The following TMEM135 variants were observed in gnomAD, a reference collection of about 807,000 sequenced individuals.
TMEM135 encodes the protein transmembrane protein 135.
Under a neutral mutation model 60.3 loss-of-function variants are expected in TMEM135, and 30 were observed. That is an observed-to-expected ratio of 0.50 (90% confidence interval 0.37 to 0.68). TMEM135 has a LOEUF of 0.68. TMEM135 is among the 30% of genes least tolerant of loss of function. The probability of loss-of-function intolerance (pLI) is 0.00; values close to 1 mark genes in which losing one functional copy is unlikely to be tolerated. For synonymous variants in TMEM135, 190 were observed against 186.7 expected (o/e 1.02, Z -0.14); for missense variants, 468 against 548.8 (o/e 0.85, Z 1.47).
chr11:87,128,384 CT>C (rs993168731), intron 4 of TMEM135, among the ~76,000 whole-genome samples: 17 of 151,908 alleles, frequency 1.1e-4, no homozygotes, highest in Non-Finnish European at 2.1e-4. Context: ...TCTGCGTGTT[CT>C]TTTTTTTCTT....
intron 4 of TMEM135, among the ~76,000 whole-genome samples, chr11:87,111,247 T>A (rs938088039): frequency 2.2e-4 from 34 of 152,306 alleles, no homozygotes; most frequent in African/African-American, 6.3e-4. Context: ...GGGATTTTTT[T>A]GTTTCACATC....
chr11:87,195,357 CCT>C (rs1939916743), intron 5 of TMEM135, among the ~76,000 whole-genome samples: 6 of 124,074 alleles, frequency 4.8e-5, no homozygotes, highest in African/African-American at 1.8e-4. Flanking sequence ...TTCCTTCCTT[CCT>C]TCCTTCCTTC....
intron 10 of TMEM135, among the ~76,000 whole-genome samples, chr11:87,310,449 T>A (rs1016536936): frequency 1.1e-4 from 17 of 151,876 alleles, no homozygotes; most frequent in African/African-American, 3.9e-4. Context: ...GACATAAAGA[T>A]GACAACAGAA....
intron 4 of TMEM135, among the ~76,000 whole-genome samples, chr11:87,112,202 C>A (rs949528697): frequency 2.0e-5 from 3 of 152,182 alleles, no homozygotes; most frequent in Non-Finnish European, 4.4e-5. Context: ...GATATTGACT[C>A]AGTACACGTC....
At chr11:87,076,704 C>T (rs1042031210) in intron 3 of TMEM135, among the ~76,000 whole-genome samples, 28 of 152,146 alleles carry the variant, frequency 1.8e-4, no homozygotes, top group African/African-American at 6.3e-4. Context: ...CCTTGGGTAT[C>T]GCTCCTAATT....
chr11:87,218,044 AAAGACATT>A (rs1388621341), intron 5 of TMEM135, among the ~76,000 whole-genome samples: 5 of 152,148 alleles, frequency 3.3e-5, no homozygotes, highest in African/African-American at 9.7e-5. Context: ...ACATCTTCCT[AAAGACATT>A]TGGCTATGTT....
Position 87,322,062 on chromosome 11 carries a change from C to T in TMEM135, c.*729C>T. ...TAGGGGCAAATGGAAATGGACACAT[C>T]CGATAAAGTTGAAATGTATGTTTTA... On this transcript the variant is annotated 3_prime_UTR_variant, in exon 15 of 15. Coordinates refer to ENST00000305494, the MANE Select transcript of TMEM135 (RefSeq NM_022918.4). 1 of 454,342 alleles carries T rather than the reference C, an allele frequency of 2.2e-6. No individual in the cohort carries two copies. Among genetic ancestry groups the T allele is most frequent in the Non-Finnish European group, 4.4e-6 (1 of 226,720 alleles). The allele number at this position is 454,342 out of a possible 1,614,324, so 28.1% of individuals were successfully genotyped here.
intron 3 of TMEM135, among the ~76,000 whole-genome samples, chr11:87,072,133 A>G (rs717722): frequency 0.46 from 69,978 of 152,066 alleles, 17,020 homozygotes; most frequent in East Asian, 0.64. Context: ...GGTCAAGGCT[A>G]CAGTGAGCCG....
At chr11:87,118,864 C>T (rs942574951) in intron 4 of TMEM135, among the ~76,000 whole-genome samples, 2 of 152,196 alleles carry the variant, frequency 1.3e-5, no homozygotes, top group Non-Finnish European at 2.9e-5. Context: ...GCAATTTCCT[C>T]ACCTTTCTCA....
At chr11:87,144,875 A>G (rs1004995249) in intron 4 of TMEM135, among the ~76,000 whole-genome samples, 4 of 152,112 alleles carry the variant, frequency 2.6e-5, no homozygotes, top group African/African-American at 9.7e-5. Context: ...AAGCAATGTT[A>G]TAATCTATGA....
intron 3 of TMEM135, among the ~76,000 whole-genome samples, chr11:87,081,846 T>G (rs1346864200): frequency 1.3e-5 from 2 of 152,202 alleles, no homozygotes; most frequent in Non-Finnish European, 2.9e-5. Flanking sequence ...TTTAACGACT[T>G]AATAAGAAAT....
Position 87,323,433 on chromosome 11 carries a change from A to G in TMEM135, c.*2100A>G, listed in dbSNP as rs1261941766. 2.2e-6 allele frequency: 1 copy of G among 454,028 alleles called. No homozygotes were observed. Among genetic ancestry groups the G allele is most frequent in the Admixed American group, 2.3e-5 (1 of 42,562 alleles). The allele number at this position is 454,028 out of a possible 1,614,324, so 28.1% of individuals were successfully genotyped here. On this transcript the variant is annotated 3_prime_UTR_variant, in exon 15 of 15. Transcript: ENST00000305494. ...AAAGAAACTTTGTGTTTTTGAAGAC[A>G]ATCAGAATGATTACCTTTCTACCTC...
Position 87,156,985 on chromosome 11 carries a change from G to T in TMEM135, c.397-356G>T, listed in dbSNP as rs528799706. Among the ~76,000 whole-genome samples the T allele has an allele frequency of 5.9e-5, 9 of 152,114 alleles. 1 individual carries two copies. The South Asian group carries it at 1.9e-3, about 32-fold the overall frequency. On this transcript the variant is annotated intron_variant, in intron 4 of 14. Transcript: ENST00000305494. Reference sequence around the variant, plus strand: ...AAAAGATTGTGATTATGATATTTCTGGGGTACAATTTATAACTTCTAGCTC... The same window carrying T: ...AAAAGATTGTGATTATGATATTTCTTGGGTACAATTTATAACTTCTAGCTC...
chr11:87,200,863 TGTATG>T (rs1199256634), intron 5 of TMEM135, among the ~76,000 whole-genome samples: 2 of 152,158 alleles, frequency 1.3e-5, no homozygotes, highest in African/African-American at 4.8e-5. Context: ...TAGATGTAAA[TGTATG>T]GTATGTAGAC....
intron 6 of TMEM135, among the ~76,000 whole-genome samples, chr11:87,281,780 T>A (rs531341826): frequency 5.4e-4 from 83 of 152,336 alleles, no homozygotes; most frequent in Non-Finnish European, 1.0e-3. Context: ...AATCTTTAAG[T>A]CAGAACACAG....
intron 4 of TMEM135, chr11:87,096,109 C>CATATATATAAATAAAT (rs142603759): frequency 3.7e-6 from 1 of 271,882 alleles, no homozygotes; most frequent in South Asian, 4.8e-5. Context: ...TCTCCTTCAC[C>CATATATATAAATAAAT]AATATAAAGA....
chr11:87,181,257 A>G (rs193024806), intron 5 of TMEM135, among the ~76,000 whole-genome samples: 4 of 152,320 alleles, frequency 2.6e-5, no homozygotes, highest in Admixed American at 1.3e-4. Flanking sequence ...AATTGAAGAA[A>G]GGGCAATAGA....
At chr11:87,303,619 C>T (rs1311553644) in intron 8 of TMEM135, among the ~76,000 whole-genome samples, 1 of 152,050 alleles carries the variant, frequency 6.6e-6, no homozygotes, top group East Asian at 1.9e-4. Flanking sequence ...TATGAACTTG[C>T]CTGACATAAA....
intron 5 of TMEM135, among the ~76,000 whole-genome samples, chr11:87,160,848 G>A (rs925427530): frequency 6.6e-6 from 1 of 152,026 alleles, no homozygotes; most frequent in Non-Finnish European, 1.5e-5. Context: ...GGAGTAGCTG[G>A]ACCTTTGTGC....
Sources: gnomAD v4.1 joint callset for allele counts (sites outside exome capture counted in the v4.1 genomes callset) on GRCh38, gnomAD v4.1.1 for gene constraint, MANE v1.5 for transcripts, NCBI Gene and HGNC (gene_info 2026-07-23, HGNC 2026-07-21) for gene names.